VSTM4: variants seen among roughly 807,000 people sequenced by gnomAD.
VSTM4 encodes V-set and transmembrane domain containing 4.
In VSTM4, 20 loss-of-function variants were observed where a neutral mutation model predicts 36.4. The ratio of observed to expected loss-of-function variants is 0.55; its 90% CI spans 0.39 to 0.80. The LOEUF (loss-of-function observed/expected upper bound fraction) is 0.80, where lower values mean the gene tolerates loss of function less well. Ranked by LOEUF, VSTM4 falls within the 30% of genes least tolerant of loss-of-function variation. VSTM4 has a pLI of 0.00. For missense variants in VSTM4, 392 were observed against 404.5 expected (o/e 0.97, Z 0.26); for synonymous variants, 182 against 173.9 (o/e 1.05, Z -0.37).
rs117114886 is a variant in VSTM4 at position 49,091,197 on chromosome 10, C to T, written c.458-5174G>A. 3.6e-4 allele frequency among the ~76,000 whole-genome samples: 55 copies of T among 152,350 alleles called. No individual in the cohort carries two copies. In the East Asian group the frequency reaches 7.3e-3, roughly 20 times the overall value. On this transcript the variant is annotated intron_variant, in intron 2 of 7. Coordinates refer to ENST00000332853, the MANE Select transcript of VSTM4 (RefSeq NM_001031746.5). ...AGAAGCTAAATTGTCAGCTGACCTA[C>T]TGACTGCTTTGTCATTGCCTTGGGA... is the stretch of plus-strand genomic sequence containing the variant.
intron 2 of VSTM4, among the ~76,000 whole-genome samples, chr10:49,105,128 A>G (rs1844749573): frequency 6.6e-6 from 1 of 151,170 alleles, no homozygotes; most frequent in Admixed American, 6.6e-5. Context: ...AGATGGAAAG[A>G]CAGAGAGAGA....
intron 4 of VSTM4, among the ~76,000 whole-genome samples, chr10:49,065,235 G>A (rs915244099): frequency 6.6e-6 from 1 of 152,178 alleles, no homozygotes; most frequent in South Asian, 2.1e-4. Context: ...AATGATTCTG[G>A]CTGCAGAGGA....
intron 5 of VSTM4, among the ~76,000 whole-genome samples, chr10:49,059,934 C>T (rs931775009): frequency 1.4e-4 from 21 of 152,176 alleles, no homozygotes; most frequent in Admixed American, 4.6e-4. Flanking sequence ...TGTACCTTTT[C>T]TAGGCATTTT....
At chr10:49,108,217 G>T (rs2132028076) in intron 1 of VSTM4, among the ~76,000 whole-genome samples, 1 of 152,364 alleles carries the variant, frequency 6.6e-6, no homozygotes, top group South Asian at 2.1e-4. Context: ...CCCTGTCCAT[G>T]TGGGATGCTA....
At chr10:49,064,616 T>C (rs1843939486) in intron 5 of VSTM4, 87 bp downstream of exon 5, 2 of 1,467,942 alleles carry the variant, frequency 1.4e-6, no homozygotes, top group East Asian at 4.5e-5. Context: ...TAGGTAAAAC[T>C]ACAAATTTAA....
intron 4 of VSTM4, among the ~76,000 whole-genome samples, chr10:49,075,294 A>G (rs367875290): frequency 1.1e-4 from 16 of 152,154 alleles, no homozygotes; most frequent in African/African-American, 3.9e-4. Flanking sequence ...ACTCTCGATC[A>G]TGCCCCTGAG....
At position 49,068,446 on chromosome 10, in the gene VSTM4, G is replaced by A. The variant is rs199563439; in HGVS notation, c.635-3710C>T. ...CAGGAGCCCGATGAGGCCAGACAGT[G>A]CCAGGGTACAGGAGATGCACCCCTG... On this transcript the variant is annotated intron_variant, in intron 4 of 7. Coordinates refer to ENST00000332853, the MANE Select transcript of VSTM4 (RefSeq NM_001031746.5). Among the ~76,000 whole-genome samples the A allele has an allele frequency of 2.4e-4, 37 of 152,274 alleles. 1 individual carries two copies. In the East Asian group the frequency reaches 3.1e-3, roughly 13 times the overall value.
intron 7 of VSTM4, among the ~76,000 whole-genome samples, chr10:49,032,480 T>C (rs1235154081): frequency 6.6e-6 from 1 of 152,204 alleles, no homozygotes; most frequent in Non-Finnish European, 1.5e-5. Context: ...CCACAGCTAA[T>C]TTCAAGGTGC....
At chr10:49,065,357 T>C (rs1291247178) in intron 4 of VSTM4, among the ~76,000 whole-genome samples, 1 of 152,224 alleles carries the variant, frequency 6.6e-6, no homozygotes, top group Non-Finnish European at 1.5e-5. Context: ...CCTTGAATTG[T>C]GTGGTAGATT....
chr10:49,110,150 G>A (rs1844866587), intron 1 of VSTM4, among the ~76,000 whole-genome samples: 1 of 152,244 alleles, frequency 6.6e-6, no homozygotes, highest in Non-Finnish European at 1.5e-5. Flanking sequence ...TGGAGGCCAG[G>A]AGAGCTGAGG....
At chr10:49,037,175 C>T (rs1043867570) in intron 7 of VSTM4, among the ~76,000 whole-genome samples, 2 of 152,228 alleles carry the variant, frequency 1.3e-5, no homozygotes, top group African/African-American at 2.4e-5. Flanking sequence ...CCCCAGGGGG[C>T]TGACCTGTCT....
chr10:49,054,018 T>C (rs1213870263), intron 5 of VSTM4, among the ~76,000 whole-genome samples: 1 of 152,224 alleles, frequency 6.6e-6, no homozygotes, highest in Non-Finnish European at 1.5e-5. Context: ...GTCCATCCTA[T>C]GCAAGGCACT....
chr10:49,021,536 A>G (rs1251186519), intron 7 of VSTM4, among the ~76,000 whole-genome samples: 1 of 152,198 alleles, frequency 6.6e-6, no homozygotes, highest in Non-Finnish European at 1.5e-5. Flanking sequence ...CCACTAGCAA[A>G]TCTGGCAAAG....
intron 7 of VSTM4, among the ~76,000 whole-genome samples, chr10:49,042,959 T>A (rs1843543962): frequency 6.6e-6 from 1 of 152,118 alleles, no homozygotes; most frequent in African/African-American, 2.4e-5. Flanking sequence ...GGGAGGACAT[T>A]CCAGGAAGAG....
intron 3 of VSTM4, among the ~76,000 whole-genome samples, chr10:49,080,851 A>G (rs563215734): frequency 1.3e-5 from 2 of 152,244 alleles, no homozygotes; most frequent in Non-Finnish European, 2.9e-5. Context: ...CCAGAAGCTG[A>G]TGGAATGTGA....
chr10:49,065,463 CTTGCT>C (rs1223759079), intron 4 of VSTM4, among the ~76,000 whole-genome samples: 2 of 152,192 alleles, frequency 1.3e-5, no homozygotes, highest in African/African-American at 4.8e-5. Flanking sequence ...GCCATATGAA[CTTGCT>C]TTGGTCAAGA....
At chr10:49,077,868 A>AT (rs1844208360) in intron 3 of VSTM4, among the ~76,000 whole-genome samples, 1 of 152,220 alleles carries the variant, frequency 6.6e-6, no homozygotes, top group African/African-American at 2.4e-5. Flanking sequence ...TATAAAGAGG[A>AT]TAAAAAGTCA....
chr10:49,100,288 A>G (rs572454006), intron 2 of VSTM4, among the ~76,000 whole-genome samples: 1 of 151,940 alleles, frequency 6.6e-6, no homozygotes, highest in East Asian at 1.9e-4. Flanking sequence ...TACAGGTAGT[A>G]CTGGCCAATG....
At chr10:49,027,973 A>G (rs1843288813) in intron 7 of VSTM4, among the ~76,000 whole-genome samples, 1 of 152,232 alleles carries the variant, frequency 6.6e-6, no homozygotes, top group Non-Finnish European at 1.5e-5. Context: ...CCACATGGCA[A>G]GTTATGTTTA....
Sources: gnomAD v4.1 joint callset for allele counts (sites outside exome capture counted in the v4.1 genomes callset) on GRCh38, gnomAD v4.1.1 for gene constraint, MANE v1.5 for transcripts, NCBI Gene and HGNC (gene_info 2026-07-23, HGNC 2026-07-21) for gene names.